Variants in NXPH1 observed in about 807,000 individuals in gnomAD.
NXPH1 encodes the protein neurexophilin 1, also known as neurexophilin-1.
Under a neutral mutation model 23.7 loss-of-function variants are expected in NXPH1, and 5 were observed. The observed-to-expected ratio is 0.21, with a 90% CI of 0.11 to 0.44. NXPH1 has a LOEUF of 0.44. NXPH1 is among the 20% of genes least tolerant of loss of function. NXPH1 has a pLI of 0.99. For synonymous variants in NXPH1, 144 were observed against 122.2 expected, an observed-to-expected ratio of 1.18 and a Z score of -1.18; for missense variants, 324 against 321.6, an observed-to-expected ratio of 1.01 and a Z score of -0.06.
chr7:8,575,257 A>G (rs1021094846), intron 2 of NXPH1, among the ~76,000 whole-genome samples: 1 of 152,212 alleles, frequency 6.6e-6, no homozygotes, highest in Non-Finnish European at 1.5e-5. Context: ...GGGAAAAATG[A>G]TAAGTTTTCT....
intron 2 of NXPH1, among the ~76,000 whole-genome samples, chr7:8,595,010 C>G (rs182270385): frequency 3.7e-4 from 56 of 152,034 alleles, no homozygotes; most frequent in African/African-American, 1.3e-3. Flanking sequence ...TACCGAGGTT[C>G]ACAAAAGTGA....
chr7:8,723,154 A>G (rs547790176), intron 2 of NXPH1, among the ~76,000 whole-genome samples: 1 of 152,368 alleles, frequency 6.6e-6, no homozygotes, highest in Admixed American at 6.5e-5. Flanking sequence ...TTCCCAAGCA[A>G]ATAGGCATTT....
chr7:8,670,616 A>T (rs1820853713), intron 2 of NXPH1, among the ~76,000 whole-genome samples: 1 of 152,234 alleles, frequency 6.6e-6, no homozygotes, highest in Admixed American at 6.5e-5. Flanking sequence ...AACAGAAGTT[A>T]TAACTTCTAT....
chr7:8,503,526 T>A (rs1584197441), intron 2 of NXPH1, among the ~76,000 whole-genome samples: 4 of 152,164 alleles, frequency 2.6e-5, no homozygotes, highest in East Asian at 3.9e-4. Flanking sequence ...CAAAGTTTTC[T>A]TGATACTTTT....
chr7:8,690,225 C>T (rs1288947771), intron 2 of NXPH1: 7 of 152,140 alleles, frequency 4.6e-5, no homozygotes, highest in African/African-American at 1.7e-4. Context: ...AACTTAAATC[C>T]TGATTATCTT....
intron 2 of NXPH1, among the ~76,000 whole-genome samples, chr7:8,671,950 G>T (rs1215690251): frequency 2.6e-5 from 4 of 151,994 alleles, no homozygotes; most frequent in African/African-American, 4.8e-5. Flanking sequence ...GGGGTTGTTT[G>T]TTTTTTTCTT....
intron 2 of NXPH1, among the ~76,000 whole-genome samples, chr7:8,447,487 T>C (rs1402727624): frequency 1.3e-5 from 2 of 152,384 alleles, no homozygotes; most frequent in East Asian, 3.9e-4. Flanking sequence ...AATTGAATGA[T>C]GAGTGCCTGG....
intron 2 of NXPH1, among the ~76,000 whole-genome samples, chr7:8,706,596 C>A (rs182342851): frequency 6.6e-6 from 1 of 152,168 alleles, no homozygotes; most frequent in African/African-American, 2.4e-5. Context: ...AAGACCCATC[C>A]TCTGGTTGTC....
At chr7:8,527,352 G>T (rs1489665172) in intron 2 of NXPH1, among the ~76,000 whole-genome samples, 1 of 152,174 alleles carries the variant, frequency 6.6e-6, no homozygotes, top group African/African-American at 2.4e-5. Context: ...GGCAGAAGGG[G>T]GCACTCAGTG....
intron 2 of NXPH1, among the ~76,000 whole-genome samples, chr7:8,681,616 C>T (rs577603784): frequency 6.6e-6 from 1 of 152,162 alleles, no homozygotes; most frequent in Non-Finnish European, 1.5e-5. Flanking sequence ...AATTACAATA[C>T]TTCAGGCATT....
intron 2 of NXPH1, among the ~76,000 whole-genome samples, chr7:8,694,953 T>C (rs1821282557): frequency 6.6e-6 from 1 of 152,214 alleles, no homozygotes; most frequent in African/African-American, 2.4e-5. Context: ...AAAGAAAATC[T>C]CTAAATACAT....
intron 2 of NXPH1, among the ~76,000 whole-genome samples, chr7:8,629,869 C>A (rs1820087624): frequency 6.6e-6 from 1 of 152,146 alleles, no homozygotes; most frequent in African/African-American, 2.4e-5. Context: ...TCAGCTCAAG[C>A]AGCTACTATA....
At position 8,479,258 on chromosome 7, in the gene NXPH1, C is replaced by T. The variant is rs73232326; in HGVS notation, c.54+43491C>T. Reference sequence around the variant, plus strand: ...GTAAGCATGTTAAAATGTTTAAAAGCTATTCTCATTAACTTCATTGGTGGT... The same window carrying T: ...GTAAGCATGTTAAAATGTTTAAAAGTTATTCTCATTAACTTCATTGGTGGT... On this transcript the variant is annotated intron_variant, in intron 2 of 2. Transcript: ENST00000405863. Among the ~76,000 whole-genome samples the T allele has an allele frequency of 2.5e-3, 387 of 152,108 alleles. 1 individual carries two copies. The highest frequency in any genetic ancestry group is 9.0e-3 in the African/African-American group (372 of 41,526).
chr7:8,590,816 C>T (rs535223256), intron 2 of NXPH1, among the ~76,000 whole-genome samples: 64 of 152,116 alleles, frequency 4.2e-4, no homozygotes, highest in South Asian at 8.3e-4. Context: ...AAATTTTGCT[C>T]TTTTAAAAAT....
In NXPH1 at chr7:8,751,988, T is replaced by G. The variant is rs3779355; in HGVS notation, c.*219T>G. ...ATTGTAAATCATCACAGATTTTGAATTCACACCTGAAGACATGCTCTCACA... is the reference window on the plus strand; with the variant it reads ...ATTGTAAATCATCACAGATTTTGAAGTCACACCTGAAGACATGCTCTCACA... On this transcript the variant is annotated 3_prime_UTR_variant, in exon 3 of 3. Coordinates refer to ENST00000405863, the MANE Select transcript of NXPH1 (RefSeq NM_152745.3). This position sits in a 1 kb window ranked among gnomAD's most constrained non-coding sequence, Gnocchi z 4.5. 361,381 of 522,744 alleles carry G rather than the reference T, an allele frequency of 0.69. 126,320 individuals carry two copies. The highest frequency in any genetic ancestry group is 0.83 in the East Asian group (27,393 of 33,140). 32.4% of individuals were successfully genotyped at this position (522,744 alleles called of 1,614,324 possible). A position where few individuals can be genotyped will look rare whatever the true frequency, so the allele number is the denominator to read the frequency against.
At chr7:8,557,869 G>A (rs1045681028) in intron 2 of NXPH1, among the ~76,000 whole-genome samples, 1 of 151,714 alleles carries the variant, frequency 6.6e-6, no homozygotes, top group Non-Finnish European at 1.5e-5. Context: ...ACCATGTAAA[G>A]GCATACAGAA....
rs1376868557 is a variant in NXPH1 at position 8,710,640 on chromosome 7, G to GGTTTT, written c.55-40368_55-40367insGTTTT. On this transcript the variant is annotated intron_variant, in intron 2 of 2. Transcript: ENST00000405863. ...TTGAACAAAGCATGTCAACTGTTACGTTTTTTGTTTTTTTTTTTTTTTTTT... is the reference window on the plus strand; with the variant it reads ...TTGAACAAAGCATGTCAACTGTTACGGTTTTTTTTTTGTTTTTTTTTTTTTTTTTT... 4.0e-3 allele frequency among the ~76,000 whole-genome samples: 111 copies of GGTTTT among 27,678 alleles called. 44 individuals carry two copies. Among genetic ancestry groups the GGTTTT allele is most frequent in the African/African-American group, 0.015 (93 of 6,240 alleles). The allele number at this position is 27,678 out of a possible 152,430, so 18.2% of individuals were successfully genotyped here.
chr7:8,488,281 A>C (rs1240615202), intron 2 of NXPH1, among the ~76,000 whole-genome samples: 1 of 148,488 alleles, frequency 6.7e-6, no homozygotes, highest in Non-Finnish European at 1.5e-5. Flanking sequence ...TACATACTAC[A>C]TCTTACATAC....
At chr7:8,750,926 C>T in intron 2 of NXPH1, 82 bp from the exon 3 acceptor site, 6 of 1,339,252 alleles carry the variant, frequency 4.5e-6, no homozygotes, top group Non-Finnish European at 6.2e-6. Flanking sequence ...AATCCTGAGA[C>T]TCAGAGAAGG....
Sources: allele counts gnomAD v4.1 joint callset (sites outside exome capture counted in the v4.1 genomes callset), GRCh38; gene constraint gnomAD v4.1.1; non-coding constraint Gnocchi (gnomAD v3.1); transcripts MANE v1.5; gene names NCBI Gene and HGNC (gene_info 2026-07-23, HGNC 2026-07-21).